Variants in LUZP4 observed in about 807,000 individuals in gnomAD.
LUZP4 encodes the protein leucine zipper protein 4.
A neutral mutation model predicts 8.5 loss-of-function variants in LUZP4; 11 were observed. The observed-to-expected ratio is 1.30, with a 90% CI of 0.82 to 2.14. The LOEUF is 2.14. Among genes scored for constraint, LUZP4 ranks in the 30% most tolerant of loss-of-function variants. The pLI is 0.00. For synonymous variants in LUZP4, 104 were observed against 79.4 expected, an observed-to-expected ratio of 1.31 and a Z score of -1.65; for missense variants, 276 against 229.7, an observed-to-expected ratio of 1.20 and a Z score of -1.30.
intron 1 of LUZP4, among the ~76,000 whole-genome samples, chrX:115,290,959 T>TTTTG (rs782305561): frequency 9.0e-6 from 1 of 110,917 alleles, no homozygotes; most frequent in African/African-American, 3.3e-5. Context: ...GGTTTTTGTT[T>TTTTG]TTTTGTTTTG....
intron 1 of LUZP4, among the ~76,000 whole-genome samples, chrX:115,297,680 C>T (rs1483976970): frequency 9.0e-6 from 1 of 111,419 alleles, no homozygotes; most frequent in Non-Finnish European, 1.9e-5. Context: ...CTTTTAGGAT[C>T]CTTTCTTTAT....
Position 115,306,445 on chromosome X carries a change from AAGAGATCTCATGGTCAATCTG to A in LUZP4, c.597_617del (p.Gln200_Gly206del). The A allele has an allele frequency of 8.3e-7, 1 of 1,211,047 alleles. No individual in the cohort carries two copies. Among genetic ancestry groups the A allele is most frequent in the South Asian group, 1.8e-5 (1 of 56,927 alleles). On this transcript the variant is annotated inframe_deletion, in exon 4 of 4. Transcript: ENST00000371920. ...ATATGAGAGATCTCATGGCCAATACAAGAGATCTCATGGTCAATCTGAGAGATCTCATGGCCACTCAGAGAG... is the reference window on the plus strand; with the variant it reads ...ATATGAGAGATCTCATGGCCAATACAAGAGATCTCATGGCCACTCAGAGAG...
Position 115,306,936 on chromosome X carries a change from C to T in LUZP4, c.*132C>T, listed in dbSNP as rs2073426316. 1.7e-6 allele frequency: 1 copy of T among 594,254 alleles called. No individual in the cohort carries two copies. The highest frequency in any genetic ancestry group is 3.0e-5 in the South Asian group (1 of 33,630). The allele number at this position is 594,254 out of a possible 1,213,427, so 49.0% of individuals were successfully genotyped here. Reference sequence around the variant, plus strand: ...AATATTAGAATGGAGGTAATACATACATAGTATCAATATTGTTTCAACTTG... The same window carrying T: ...AATATTAGAATGGAGGTAATACATATATAGTATCAATATTGTTTCAACTTG... On this transcript the variant is annotated 3_prime_UTR_variant, in exon 4 of 4. Coordinates refer to ENST00000371920, the MANE Select transcript of LUZP4 (RefSeq NM_016383.5).
chrX:115,291,193 T>C (rs2073347721), intron 1 of LUZP4, among the ~76,000 whole-genome samples: 1 of 110,836 alleles, frequency 9.0e-6, no homozygotes, highest in African/African-American at 3.3e-5. Flanking sequence ...GCTCTCAGGC[T>C]CAATCAAGTG....
At chrX:115,300,967 G>A (rs1296820204) in intron 1 of LUZP4, among the ~76,000 whole-genome samples, 2 of 110,510 alleles carry the variant, frequency 1.8e-5, no homozygotes, top group Admixed American at 1.9e-4. Flanking sequence ...TTGCTGGGGG[G>A]ACGATCGGTG....
intron 1 of LUZP4, among the ~76,000 whole-genome samples, chrX:115,300,695 A>G (rs1472138409): frequency 9.0e-6 from 1 of 111,289 alleles, no homozygotes; most frequent in Non-Finnish European, 1.9e-5. Context: ...TTTCTGCTCT[A>G]ACAGGACAGC....
At chrX:115,290,171 G>C (rs1313792190) in intron 1 of LUZP4, among the ~76,000 whole-genome samples, 1 of 111,437 alleles carries the variant, frequency 9.0e-6, no homozygotes, top group African/African-American at 3.3e-5. Context: ...CTATTAACGT[G>C]TATTTTACTC....
At chrX:115,306,018 C>G (rs1354203653) in intron 3 of LUZP4, among the ~76,000 whole-genome samples, 187 bp from the exon 4 acceptor site, 1 of 111,032 alleles carries the variant, frequency 9.0e-6, no homozygotes, top group Non-Finnish European at 1.9e-5. Flanking sequence ...CATTTTTGTG[C>G]CAGTGACACG....
rs781924862 is a variant in LUZP4, at chrX:115,303,411, T to C, written c.335T>C (p.Ile112Thr). ...CACCCTTTAAATGGGCAGCCTTTAA[T>C]TGAGCAGGTAGATAAGTACCAAGAA... is the stretch of plus-strand genomic sequence containing the variant. ...GQHPLNGQPL[I>T]EQEKCSDNYE... Residue 112 changes from isoleucine (I) to threonine (T), a missense_variant, in exon 3 of 4, where the codon ATT becomes ACT. Ile to Thr is a moderately conservative substitution (Grantham distance 89, BLOSUM62 -1). Transcript: ENST00000371920. The C allele has an allele frequency of 1.1e-5, 12 of 1,108,876 alleles. No individual in the cohort carries two copies. The highest frequency in any genetic ancestry group is 2.5e-5 in the Admixed American group (1 of 40,654). 91.4% of individuals were successfully genotyped at this position (1,108,876 alleles called of 1,213,427 possible).
At chrX:115,293,386 C>T (rs2073356647) in intron 1 of LUZP4, among the ~76,000 whole-genome samples, 1 of 109,656 alleles carries the variant, frequency 9.1e-6, no homozygotes, top group Non-Finnish European at 1.9e-5. Flanking sequence ...TCAGGCAATC[C>T]TCCCACCTCA....
chrX:115,301,297 TC>T (rs1556601453), intron 1 of LUZP4, among the ~76,000 whole-genome samples: 1 of 112,000 alleles, frequency 8.9e-6, no homozygotes, highest in Non-Finnish European at 1.9e-5. Flanking sequence ...TGTAGACTCT[TC>T]CATTCTAAAT....
chrX:115,293,350 C>T (rs1205064351), intron 1 of LUZP4, among the ~76,000 whole-genome samples: 1 of 109,734 alleles, frequency 9.1e-6, no homozygotes, highest in Non-Finnish European at 1.9e-5. Context: ...ATTATCACAG[C>T]TCACTGCAGC....
chrX:115,301,090 A>C (rs2073395049), intron 1 of LUZP4, among the ~76,000 whole-genome samples: 1 of 111,104 alleles, frequency 9.0e-6, no homozygotes, highest in South Asian at 3.9e-4. Flanking sequence ...GTGTCACCCA[A>C]CTGCCTCTTT....
intron 1 of LUZP4, 66 bp downstream of exon 1, chrX:115,289,916 G>T: frequency 2.5e-6 from 2 of 813,652 alleles, no homozygotes; most frequent in South Asian, 4.4e-5. Context: ...CAAGACCTCG[G>T]CATAGCGCTT....
Position 115,303,344 on chromosome X carries a change from A to G in LUZP4, c.268A>G (p.Lys90Glu). ...CAACTCTGAGGAAGGAAATCATGATAAAAAACCATCCCAAAAACCTTCTGG... is the reference window on the plus strand; with the variant it reads ...CAACTCTGAGGAAGGAAATCATGATGAAAAACCATCCCAAAAACCTTCTGG... ...RSNSEEGNHD[K>E]KPSQKPSGFK... Residue 90 changes from lysine (K) to glutamate (E), a missense_variant, in exon 3 of 4, where the codon AAA (lysine) becomes GAA (glutamate). Transcript: ENST00000371920. 3 of 1,200,664 alleles carry G rather than the reference A, an allele frequency of 2.5e-6. No homozygotes were observed. Among genetic ancestry groups the G allele is most frequent in the Non-Finnish European group, 3.4e-6 (3 of 889,428 alleles).
At position 115,306,928 on chromosome X, in the gene LUZP4, AATAC is replaced by A. The variant is rs1432637967; in HGVS notation, c.*132_*135del. On this transcript the variant is annotated 3_prime_UTR_variant, in exon 4 of 4. Transcript: ENST00000371920. ...AAGACATAAATATTAGAATGGAGGT[AATAC>A]ATACATAGTATCAATATTGTTTCAA... 2.4e-5 allele frequency: 15 copies of A among 621,894 alleles called. No homozygotes were observed. Among genetic ancestry groups the A allele is most frequent in the Non-Finnish European group, 3.0e-5 (12 of 397,867 alleles). The allele number at this position is 621,894 out of a possible 1,213,427, so 51.3% of individuals were successfully genotyped here. A position where few individuals can be genotyped will look rare whatever the true frequency, so the allele number is the denominator to read the frequency against.
chrX:115,292,028 C>T (rs2073351191), intron 1 of LUZP4, among the ~76,000 whole-genome samples: 1 of 112,429 alleles, frequency 8.9e-6, no homozygotes, highest in Non-Finnish European at 1.9e-5. Context: ...TCAAGTGATA[C>T]ACCCACCTCG....
intron 1 of LUZP4, 109 bp from the exon 2 acceptor site, chrX:115,301,883 C>T: frequency 4.9e-6 from 2 of 408,999 alleles, no homozygotes; most frequent in Non-Finnish European, 7.9e-6. Context: ...TTTAGGGCTA[C>T]CAGTTTTTAG....
At chrX:115,290,931 C>T (rs1420363018) in intron 1 of LUZP4, among the ~76,000 whole-genome samples, 1 of 110,905 alleles carries the variant, frequency 9.0e-6, no homozygotes, top group Non-Finnish European at 1.9e-5. Context: ...TACAGGCACG[C>T]GCCACCACAC....
Sources: gnomAD v4.1 joint callset for allele counts (sites outside exome capture counted in the v4.1 genomes callset) on GRCh38, gnomAD v4.1.1 for gene constraint, MANE v1.5 for transcripts, NCBI Gene and HGNC (gene_info 2026-07-23, HGNC 2026-07-21) for gene names.